JAKMIP3: variants seen among roughly 807,000 people sequenced by gnomAD.
JAKMIP3 encodes the protein janus kinase and microtubule-interacting protein 3.
JAKMIP3 carries 58 observed loss-of-function variants against 118.5 expected under a neutral mutation model. The observed-to-expected ratio is 0.49, with a 90% CI of 0.40 to 0.61. The LOEUF (loss-of-function observed/expected upper bound fraction) is 0.61, where lower values mean the gene tolerates loss of function less well. Ranked by LOEUF, JAKMIP3 falls within the 20% of genes least tolerant of loss-of-function variation. The pLI is 0.00. For synonymous variants in JAKMIP3, 486 were observed against 451.2 expected (o/e 1.08, Z -0.98); for missense variants, 950 against 1,109.0 (o/e 0.86, Z 2.04).
chr10:132,074,134 CTCT>C (rs2040410780), intron 1 of JAKMIP3, among the ~76,000 whole-genome samples: 2 of 152,240 alleles, frequency 1.3e-5, no homozygotes, highest in African/African-American at 4.8e-5. Context: ...TCATTGCAAC[CTCT>C]GCCTCCTGGG....
intron 1 of JAKMIP3, among the ~76,000 whole-genome samples, chr10:132,074,893 T>A (rs1451858341): frequency 7.9e-5 from 12 of 152,196 alleles, no homozygotes; most frequent in Admixed American, 7.9e-4. Context: ...TCTTCTGAAT[T>A]ATGGCTATCC....
chr10:132,100,164 G>GCCCCCCCACGGAC (rs72198647), intron 1 of JAKMIP3, among the ~76,000 whole-genome samples: 4 of 149,910 alleles, frequency 2.7e-5, no homozygotes, highest in Non-Finnish European at 4.5e-5. Flanking sequence ...GCCCTCACAG[G>GCCCCCCCACGGAC]CCCCCACACG....
At chr10:132,159,652 CCCTGTGTGAT>C (rs2057710300) in intron 19 of JAKMIP3, among the ~76,000 whole-genome samples, 1 of 55,344 alleles carries the variant, frequency 1.8e-5, no homozygotes, top group Non-Finnish European at 3.7e-5. Flanking sequence ...GGGGGCCTCT[CCCTGTGTGAT>C]GCTGGGGGGT....
At chr10:132,110,316 G>A (rs2046667200) in intron 2 of JAKMIP3, among the ~76,000 whole-genome samples, 1 of 152,256 alleles carries the variant, frequency 6.6e-6, no homozygotes, top group Non-Finnish European at 1.5e-5. Flanking sequence ...CCGGGCTGCT[G>A]GTGCCTCCAG....
At chr10:132,101,319 C>T (rs937085757) in intron 1 of JAKMIP3, among the ~76,000 whole-genome samples, 2 of 152,146 alleles carry the variant, frequency 1.3e-5, no homozygotes, top group Non-Finnish European at 2.9e-5. Flanking sequence ...CCGCTGCTCT[C>T]CAGCCTGGGC....
At chr10:132,143,154 G>T (rs1038596554) in intron 11 of JAKMIP3, among the ~76,000 whole-genome samples, 1 of 151,890 alleles carries the variant, frequency 6.6e-6, no homozygotes, top group Non-Finnish European at 1.5e-5. Context: ...GGGTGGGGGG[G>T]GCTGGCCTTG....
intron 2 of JAKMIP3, among the ~76,000 whole-genome samples, chr10:132,116,355 G>A (rs529521553): frequency 2.3e-4 from 34 of 150,990 alleles, no homozygotes; most frequent in South Asian, 1.3e-3. Context: ...CGCTCCCCCC[G>A]AATACACATT....
rs116575676 is a variant in JAKMIP3, at chr10:132,171,544, C to T, written c.*1103+2511C>T. Among the ~76,000 whole-genome samples the T allele has an allele frequency of 9.0e-3, 1,366 of 152,262 alleles. 14 individuals carry two copies. Among genetic ancestry groups the T allele is most frequent in the African/African-American group, 0.031 (1,271 of 41,538 alleles). ...CTCTCCAATTAGCTTTTTTCCCCAA[C>T]TGTTTATTTTGAAATAATTTTAGAC... On this transcript the variant is annotated intron_variant, in intron 23 of 23. Coordinates refer to ENST00000684848, the MANE Select transcript of JAKMIP3 (RefSeq NM_001323087.2).
chr10:132,155,772 C>T (rs1240362693), intron 19 of JAKMIP3, among the ~76,000 whole-genome samples: 2 of 152,170 alleles, frequency 1.3e-5, no homozygotes, highest in Admixed American at 6.5e-5. Flanking sequence ...CACATGACTG[C>T]GTGGGAGCAG....
At chr10:132,123,924 G>A (rs1005068156) in intron 3 of JAKMIP3, among the ~76,000 whole-genome samples, 3 of 152,212 alleles carry the variant, frequency 2.0e-5, no homozygotes, top group Non-Finnish European at 4.4e-5. Context: ...CCTGGCTGTG[G>A]ATGTCCAGAG....
In JAKMIP3 at chr10:132,149,522, C is replaced by T. The variant is rs758319357; in HGVS notation, c.1947+12C>T. 1 of 1,441,938 alleles carries T rather than the reference C, an allele frequency of 6.9e-7. No individual in the cohort carries two copies. Among genetic ancestry groups the T allele is most frequent in the East Asian group, 2.6e-5 (1 of 38,618 alleles). The allele number at this position is 1,441,938 out of a possible 1,614,324, so 89.3% of individuals were successfully genotyped here. ...CCGAAGGTGTGACGGTGAGTCCCGC[C>T]CCTCCTGCCCACTCCGCCCCCACCT... On this transcript the variant is annotated intron_variant, in intron 15 of 23. Transcript: ENST00000684848.
In JAKMIP3 at chr10:132,145,994, G is replaced by A. The variant is rs570841913; in HGVS notation, c.1749+414G>A. Among the ~76,000 whole-genome samples, 70 of 152,332 alleles carry A rather than the reference G, an allele frequency of 4.6e-4. 2 individuals are homozygous for A. In the South Asian group the frequency reaches 0.014, roughly 31 times the overall value. On this transcript the variant is annotated intron_variant, in intron 13 of 23. Coordinates refer to ENST00000684848, the MANE Select transcript of JAKMIP3 (RefSeq NM_001323087.2). ...CAGCAACGCTTGTGGGGAAGCTGAA[G>A]TCCTCGGGGAAGAGCCCATGGACCA...
At position 132,148,095 on chromosome 10, in the gene JAKMIP3, G is replaced by A. The variant is rs377652467; in HGVS notation, c.1848+45G>A. The A allele has an allele frequency of 5.9e-5, 75 of 1,262,588 alleles. No homozygotes were observed. In the African/African-American group the frequency reaches 1.0e-3, roughly 17 times the overall value. The allele number at this position is 1,262,588 out of a possible 1,614,324, so 78.2% of individuals were successfully genotyped here. A position where few individuals can be genotyped will look rare whatever the true frequency, so the allele number is the denominator to read the frequency against. ...GCACTGTGGCCTGTGGCTGTGTCAG[G>A]GATCTAGTCCTCAGCCTTCCTAACC... is the stretch of plus-strand genomic sequence containing the variant. On this transcript the variant is annotated intron_variant, in intron 14 of 23. Transcript: ENST00000684848.
chr10:132,080,503 ATTTTTTTTT>A (rs201838731), intron 1 of JAKMIP3, among the ~76,000 whole-genome samples: 232 of 61,526 alleles, frequency 3.8e-3, no homozygotes, highest in Middle Eastern at 0.023. Context: ...AAGTTATAGG[ATTTTTTTTT>A]TTTTTTTTTT....
intron 1 of JAKMIP3, among the ~76,000 whole-genome samples, chr10:132,085,693 G>T (rs564470099): frequency 3.9e-5 from 6 of 152,106 alleles, no homozygotes; most frequent in Admixed American, 3.9e-4. Context: ...TAGAGATGGG[G>T]TTTCACCATA....
At chr10:132,164,626 G>A (rs560305978) in intron 20 of JAKMIP3, 44 bp from the exon 21 acceptor site, 15 of 1,293,076 alleles carry the variant, frequency 1.2e-5, no homozygotes, top group Middle Eastern at 1.8e-4. Flanking sequence ...TGGGTTTCCC[G>A]AGTACTGTGA....
At chr10:132,091,440 A>G (rs1275813737) in intron 1 of JAKMIP3, among the ~76,000 whole-genome samples, 2 of 152,168 alleles carry the variant, frequency 1.3e-5, no homozygotes, top group Admixed American at 1.3e-4. Context: ...GAGTTGCTTT[A>G]TGAATCTGGG....
At chr10:132,126,870 A>T (rs569569288) in intron 3 of JAKMIP3, among the ~76,000 whole-genome samples, 1 of 152,338 alleles carries the variant, frequency 6.6e-6, no homozygotes, top group African/African-American at 2.4e-5. Context: ...TTTATATATA[A>T]GTATACACTG....
At chr10:132,102,596 G>A (rs12268266) in intron 1 of JAKMIP3, among the ~76,000 whole-genome samples, 3,996 of 152,274 alleles carry the variant, frequency 0.026, 169 homozygotes, top group African/African-American at 0.091. Flanking sequence ...AGCCCCGCAG[G>A]CTCCTCGTGG....
Sources: gnomAD v4.1 joint callset for allele counts (sites outside exome capture counted in the v4.1 genomes callset) on GRCh38, gnomAD v4.1.1 for gene constraint, MANE v1.5 for transcripts, NCBI Gene and HGNC (gene_info 2026-07-23, HGNC 2026-07-21) for gene names.